MOSMO: variants seen among roughly 807,000 people sequenced by gnomAD.
The protein encoded by MOSMO is modulator of smoothened protein.
MOSMO carries 5 observed loss-of-function variants against 18.4 expected under a neutral mutation model. The observed-to-expected ratio is 0.27, with a 90% CI of 0.14 to 0.57. The LOEUF (loss-of-function observed/expected upper bound fraction) is 0.57, where lower values mean the gene tolerates loss of function less well. MOSMO is among the 20% of genes least tolerant of loss of function. MOSMO has a pLI of 0.92. For synonymous variants in MOSMO, 82 were observed against 82.3 expected, an observed-to-expected ratio of 1.00 and a Z score of 0.02; for missense variants, 138 against 211.8, an observed-to-expected ratio of 0.65 and a Z score of 2.16.
At chr16:22,055,727 C>G (rs1900519792) in intron 1 of MOSMO, among the ~76,000 whole-genome samples, 1 of 152,132 alleles carries the variant, frequency 6.6e-6, no homozygotes. Flanking sequence ...GTCTTTAATG[C>G]AAATAAGTTG....
intron 1 of MOSMO, among the ~76,000 whole-genome samples, chr16:22,055,551 C>T (rs958129013): frequency 6.6e-6 from 1 of 152,208 alleles, no homozygotes; most frequent in Admixed American, 6.5e-5. Context: ...CTTGCATCCT[C>T]CTTGTGCTTA....
chr16:22,079,095 A>G (rs1901029113), intron 2 of MOSMO, among the ~76,000 whole-genome samples: 1 of 152,112 alleles, frequency 6.6e-6, no homozygotes, highest in Non-Finnish European at 1.5e-5. Flanking sequence ...TTCTCATTGT[A>G]TTGCTGGAGT....
chr16:22,049,903 G>A (rs1900388677), intron 1 of MOSMO, among the ~76,000 whole-genome samples: 1 of 152,106 alleles, frequency 6.6e-6, no homozygotes, highest in African/African-American at 2.4e-5. Flanking sequence ...CTCTCTTGGG[G>A]TGTTTGATTC....
intron 1 of MOSMO, among the ~76,000 whole-genome samples, chr16:22,051,351 A>G (rs1598013802): frequency 6.6e-6 from 1 of 151,648 alleles, no homozygotes; most frequent in African/African-American, 2.4e-5. Context: ...TGGTGCCTGC[A>G]CTCCAGCCTG....
At chr16:22,075,356 A>C in intron 1 of MOSMO, 131 bp from the exon 2 acceptor site, 1 of 729,206 alleles carries the variant, frequency 1.4e-6, no homozygotes, top group East Asian at 2.7e-5. Flanking sequence ...GCTGAAGAGT[A>C]GGACTTAGGA....
At chr16:22,012,727 A>G (rs1300692554) in intron 1 of MOSMO, among the ~76,000 whole-genome samples, 1 of 143,408 alleles carries the variant, frequency 7.0e-6, no homozygotes, top group East Asian at 2.1e-4. Context: ...TTGAACTACC[A>G]TAGAAGGAAT....
At chr16:22,011,881 G>A (rs1899536783) in intron 1 of MOSMO, among the ~76,000 whole-genome samples, 1 of 149,244 alleles carries the variant, frequency 6.7e-6, no homozygotes, top group South Asian at 2.1e-4. Flanking sequence ...CGTTGTGCTT[G>A]AGCTTGTATG....
intron 1 of MOSMO, among the ~76,000 whole-genome samples, chr16:22,012,020 A>G (rs1046232853): frequency 2.0e-5 from 3 of 152,098 alleles, no homozygotes; most frequent in African/African-American, 7.2e-5. Flanking sequence ...CAGTGGTGAC[A>G]GGTCTAGCTT....
chr16:22,058,277 T>G (rs1456328240), intron 1 of MOSMO, among the ~76,000 whole-genome samples: 2 of 151,846 alleles, frequency 1.3e-5, no homozygotes, highest in Non-Finnish European at 2.9e-5. Flanking sequence ...AATACAAAAA[T>G]TAGCCGGGCG....
intron 1 of MOSMO, among the ~76,000 whole-genome samples, chr16:22,069,237 T>C (rs1598022846): frequency 6.6e-6 from 1 of 152,118 alleles, no homozygotes; most frequent in Non-Finnish European, 1.5e-5. Flanking sequence ...TGATAGAGTA[T>C]TGTAGGCAGA....
chr16:22,039,630 G>A (rs933739067), intron 1 of MOSMO, among the ~76,000 whole-genome samples: 5 of 152,148 alleles, frequency 3.3e-5, no homozygotes, highest in Non-Finnish European at 5.9e-5. Context: ...CCAGGAGTTC[G>A]AGACCAGCCT....
At chr16:22,044,602 A>G (rs555754582) in intron 1 of MOSMO, among the ~76,000 whole-genome samples, 1 of 152,150 alleles carries the variant, frequency 6.6e-6, no homozygotes, top group South Asian at 2.1e-4. Flanking sequence ...AAAAATCCTG[A>G]TATCTGAAAC....
At chr16:22,090,473 G>C (rs2141801452), downstream of MOSMO, among the ~76,000 whole-genome samples, 1 of 152,214 alleles carries the variant, frequency 6.6e-6, no homozygotes, top group African/African-American at 2.4e-5. Context: ...GCTTTGGCAT[G>C]TCACTTTAAT....
At chr16:22,027,982 ATG>A (rs893355263) in intron 1 of MOSMO, among the ~76,000 whole-genome samples, 3 of 152,168 alleles carry the variant, frequency 2.0e-5, no homozygotes, top group African/African-American at 7.2e-5. Context: ...CATTTTTAAA[ATG>A]TATCGTTTTT....
At chr16:22,088,167 G>A (rs192113024), downstream of MOSMO, among the ~76,000 whole-genome samples, 2 of 152,044 alleles carry the variant, frequency 1.3e-5, no homozygotes, top group East Asian at 1.9e-4. Context: ...GGGACTACAG[G>A]TGCATGCCAC....
At chr16:22,052,100 T>G (rs1469273132) in intron 1 of MOSMO, among the ~76,000 whole-genome samples, 1 of 152,222 alleles carries the variant, frequency 6.6e-6, no homozygotes, top group East Asian at 1.9e-4. Flanking sequence ...CGGATATAGT[T>G]TCATGTGTGA....
downstream of MOSMO, chr16:22,085,179 A>C (rs1330399135): frequency 1.3e-5 from 2 of 152,200 alleles, no homozygotes; most frequent in African/African-American, 4.8e-5. Flanking sequence ...GATTAGCCCA[A>C]CCGAATAATA....
At chr16:22,060,050 G>A (rs1239563934) in intron 1 of MOSMO, among the ~76,000 whole-genome samples, 2 of 152,174 alleles carry the variant, frequency 1.3e-5, no homozygotes, top group African/African-American at 2.4e-5. Context: ...GGTGGCACAT[G>A]TCTGTGGTCC....
At chr16:22,047,005 C>T (rs188436544) in intron 1 of MOSMO, among the ~76,000 whole-genome samples, 52 of 152,184 alleles carry the variant, frequency 3.4e-4, no homozygotes, top group Admixed American at 1.1e-3. Flanking sequence ...AGGACTCGCT[C>T]ATCCCTACCT....
Sources: gnomAD v4.1 joint callset for allele counts (sites outside exome capture counted in the v4.1 genomes callset) on GRCh38, gnomAD v4.1.1 for gene constraint, MANE v1.5 for transcripts, NCBI Gene and HGNC (gene_info 2026-07-23, HGNC 2026-07-21) for gene names.